The following CHID1 variants were observed in gnomAD, a reference collection of about 807,000 sequenced individuals.
The protein encoded by CHID1 is chitinase domain-containing protein 1.
CHID1 carries 44 observed loss-of-function variants against 55.4 expected under a neutral mutation model. The ratio of observed to expected loss-of-function variants is 0.79; its 90% CI spans 0.62 to 1.02. CHID1 has a LOEUF of 1.02. Ranked by LOEUF, CHID1 falls within the 50% of genes least tolerant of loss-of-function variation. CHID1 has a pLI of 0.00. For missense variants in CHID1, 491 were observed against 515.3 expected, an observed-to-expected ratio of 0.95 and a Z score of 0.46; for synonymous variants, 216 against 212.9, an observed-to-expected ratio of 1.01 and a Z score of -0.13.
intron 10 of CHID1, 128 bp from the exon 11 acceptor site, chr11:870,627 G>T (rs1849111778): frequency 3.0e-6 from 2 of 670,112 alleles, no homozygotes; most frequent in Admixed American, 2.4e-5. Context: ...CCAGTGGTCT[G>T]GGGGACAACA....
intron 10 of CHID1, chr11:882,942 G>T (rs150202411): frequency 1.1e-5 from 6 of 554,582 alleles, no homozygotes; most frequent in Non-Finnish European, 1.9e-5. Flanking sequence ...GCAGATGTGT[G>T]GCCGTGTTAT....
chr11:893,391 C>T, intron 8 of CHID1, 36 bp downstream of exon 8: 1 of 1,525,922 alleles, frequency 6.6e-7, no homozygotes, highest in Non-Finnish European at 8.9e-7. Context: ...CCAGAGCCCT[C>T]CACAGCCACC....
intron 7 of CHID1, among the ~76,000 whole-genome samples, chr11:897,037 AC>A (rs1851387453): frequency 8.6e-6 from 1 of 116,072 alleles, no homozygotes; most frequent in Non-Finnish European, 1.8e-5. Context: ...ACCCGACACA[AC>A]GAGCCTGTCT....
chr11:870,676 T>C (rs961427463), intron 10 of CHID1, 177 bp from the exon 11 acceptor site: 5 of 590,140 alleles, frequency 8.5e-6, no homozygotes, highest in Non-Finnish European at 1.5e-5. Flanking sequence ...GTGTGAACCC[T>C]GTATTAGAGG....
chr11:895,510 C>T (rs1851202163), intron 7 of CHID1, among the ~76,000 whole-genome samples: 1 of 152,186 alleles, frequency 6.6e-6, no homozygotes, highest in South Asian at 2.1e-4. Flanking sequence ...GACAGACCCC[C>T]TCATACTGCC....
At position 895,423 on chromosome 11, in the gene CHID1, C is replaced by T. The variant is rs550554748; in HGVS notation, c.609-1904G>A. On this transcript the variant is annotated intron_variant, in intron 7 of 12. Transcript: ENST00000323578. ...GTGTGAGTCAGGTCTACCCAGGCCC[C>T]CAGGAGACAACATGGGCCCCGGAGG... Among the ~76,000 whole-genome samples, 196 of 152,264 alleles carry T rather than the reference C, an allele frequency of 1.3e-3. 1 individual carries two copies. Among genetic ancestry groups the T allele is most frequent in the African/African-American group, 3.3e-3 (138 of 41,546 alleles).
At chr11:886,695 C>A (rs114847149) in intron 8 of CHID1, among the ~76,000 whole-genome samples, 1 of 152,204 alleles carries the variant, frequency 6.6e-6, no homozygotes, top group Non-Finnish European at 1.5e-5. Flanking sequence ...GAGGCCTTGC[C>A]GGAAGGTGGG....
At chr11:901,434 T>A (rs1411446832) in intron 4 of CHID1, among the ~76,000 whole-genome samples, 1 of 152,172 alleles carries the variant, frequency 6.6e-6, no homozygotes, top group African/African-American at 2.4e-5. Context: ...CAAAACTGCC[T>A]AACACTTCCC....
At chr11:887,060 G>T (rs982059176) in intron 8 of CHID1, among the ~76,000 whole-genome samples, 1 of 152,160 alleles carries the variant, frequency 6.6e-6, no homozygotes, top group Non-Finnish European at 1.5e-5. Context: ...TTGAGACAGG[G>T]TCTTGCTCTG....
intron 10 of CHID1, among the ~76,000 whole-genome samples, chr11:882,707 C>T (rs1185559299): frequency 1.3e-5 from 2 of 152,198 alleles, no homozygotes; most frequent in Non-Finnish European, 2.9e-5. Flanking sequence ...AATTCTACAG[C>T]CAGGAAAGAT....
chr11:910,798 G>C lies in CHID1; in HGVS notation c.-67C>G. Reference sequence around the variant, plus strand: ...ACCTGCATGTCAGGGAGGCCGGACGGCCACAAACGCACGGCCGGAAAACGC... The same window carrying C: ...ACCTGCATGTCAGGGAGGCCGGACGCCCACAAACGCACGGCCGGAAAACGC... On this transcript the variant is annotated 5_prime_UTR_variant, in exon 1 of 13. Coordinates refer to ENST00000323578, the MANE Select transcript of CHID1 (RefSeq NM_023947.4). The C allele has an allele frequency of 9.0e-7, 1 of 1,113,290 alleles. No individual in the cohort carries two copies. Among genetic ancestry groups the C allele is most frequent in the Non-Finnish European group, 1.1e-6 (1 of 904,778 alleles). 69.0% of individuals were successfully genotyped at this position (1,113,290 alleles called of 1,614,324 possible). A position where few individuals can be genotyped will look rare whatever the true frequency, so the allele number is the denominator to read the frequency against.
At position 868,870 on chromosome 11, in the gene CHID1, A is replaced by C. The variant is rs1016354399; in HGVS notation, c.*988T>G. On this transcript the variant is annotated 3_prime_UTR_variant, in exon 13 of 13. Transcript: ENST00000323578. ...GGACTCACTTCTGTCCCCCCGAGAG[A>C]CCTTGCCCGGGACATGTACCCACCT... is the stretch of plus-strand genomic sequence containing the variant. 6.6e-6 allele frequency: 1 copy of C among 151,736 alleles called. No individual in the cohort carries two copies. The highest frequency in any genetic ancestry group is 1.5e-5 in the Non-Finnish European group (1 of 68,042). The allele number at this position is 151,736 out of a possible 1,614,324, so 9.4% of individuals were successfully genotyped here.
intron 8 of CHID1, among the ~76,000 whole-genome samples, chr11:891,705 G>A (rs1850837309): frequency 6.6e-6 from 1 of 152,148 alleles, no homozygotes; most frequent in Non-Finnish European, 1.5e-5. Flanking sequence ...TCTTCACCCA[G>A]CCCCAGGCCT....
At chr11:890,367 C>G (rs927123601) in intron 8 of CHID1, among the ~76,000 whole-genome samples, 88 of 152,352 alleles carry the variant, frequency 5.8e-4, no homozygotes, top group African/African-American at 2.0e-3. Flanking sequence ...CGCCCCCATG[C>G]GTCACCTTTC....
chr11:892,124 G>C (rs1850884582), intron 8 of CHID1, among the ~76,000 whole-genome samples: 1 of 151,670 alleles, frequency 6.6e-6, no homozygotes. Context: ...CAAAAAAAAA[G>C]AAAAAGAAAA....
chr11:904,941 T>C (rs1388093642), intron 1 of CHID1, 82 bp from the exon 2 acceptor site: 1 of 1,465,560 alleles, frequency 6.8e-7, no homozygotes, highest in Non-Finnish European at 9.3e-7. Flanking sequence ...GGGGCCACTT[T>C]CTCCTAATAG....
At chr11:893,160 T>C (rs1850966159) in intron 8 of CHID1, among the ~76,000 whole-genome samples, 1 of 152,194 alleles carries the variant, frequency 6.6e-6, no homozygotes, top group Non-Finnish European at 1.5e-5. Flanking sequence ...AAGCCAGCCC[T>C]GCCTGGCCTC....
chr11:896,977 C>A (rs1271000754), intron 7 of CHID1, among the ~76,000 whole-genome samples: 1 of 132,460 alleles, frequency 7.5e-6, no homozygotes, highest in Non-Finnish European at 1.6e-5. Flanking sequence ...TGTCTCAGCA[C>A]CCCCAGCCTC....
At chr11:899,518 G>A in intron 6 of CHID1, 117 bp from the exon 7 acceptor site, 2 of 922,768 alleles carry the variant, frequency 2.2e-6, no homozygotes, top group Non-Finnish European at 3.4e-6. Context: ...CACTCACGAG[G>A]CAAGACCCAA....
Sources: gnomAD v4.1 joint callset for allele counts (sites outside exome capture counted in the v4.1 genomes callset) on GRCh38, gnomAD v4.1.1 for gene constraint, MANE v1.5 for transcripts, NCBI Gene and HGNC (gene_info 2026-07-23, HGNC 2026-07-21) for gene names.